The following MCHR2 variants were observed in gnomAD, a reference collection of about 807,000 sequenced individuals.
MCHR2 encodes the protein melanin-concentrating hormone receptor 2.
MCHR2 carries 15 observed loss-of-function variants against 24.8 expected under a neutral mutation model. That is an observed-to-expected ratio of 0.60 (90% CI 0.40 to 0.93). MCHR2 has a LOEUF of 0.93. Ranked by LOEUF, MCHR2 falls within the 40% of genes least tolerant of loss-of-function variation. The pLI, the probability that MCHR2 is intolerant of heterozygous loss-of-function variation, is 0.00. For synonymous variants in MCHR2, 151 were observed against 147.6 expected, an observed-to-expected ratio of 1.02 and a Z score of -0.17; for missense variants, 386 against 408.7, an observed-to-expected ratio of 0.94 and a Z score of 0.48.
At chr6:99,935,157 A>T (rs954880517) in intron 4 of MCHR2, among the ~76,000 whole-genome samples, 1 of 152,046 alleles carries the variant, frequency 6.6e-6, no homozygotes, top group Non-Finnish European at 1.5e-5. Context: ...TAAAAATCAA[A>T]TCAGTGTACT....
chr6:99,962,459 C>T (rs984904098), intron 1 of MCHR2, among the ~76,000 whole-genome samples: 18 of 152,152 alleles, frequency 1.2e-4, no homozygotes, highest in Non-Finnish European at 2.6e-4. Context: ...GTATGGTCAA[C>T]TGATCTTCAA....
intron 1 of MCHR2, among the ~76,000 whole-genome samples, chr6:99,965,892 G>A (rs954361054): frequency 6.6e-5 from 10 of 152,034 alleles, no homozygotes; most frequent in South Asian, 2.1e-4. Context: ...AAGATAGCTC[G>A]CCACATGTGT....
chr6:99,935,623 GATTA>G (rs1200135352), intron 4 of MCHR2, among the ~76,000 whole-genome samples: 1 of 151,868 alleles, frequency 6.6e-6, no homozygotes, highest in African/African-American at 2.4e-5. Flanking sequence ...TAGGCATTTA[GATTA>G]ATTACATATT....
At chr6:99,926,796 C>T (rs994237377) in intron 5 of MCHR2, among the ~76,000 whole-genome samples, 1 of 152,112 alleles carries the variant, frequency 6.6e-6, no homozygotes, top group Non-Finnish European at 1.5e-5. Flanking sequence ...TGCCTGTTCA[C>T]TCTGATGGTA....
intron 5 of MCHR2, 140 bp from the exon 6 acceptor site, chr6:99,921,395 G>T: frequency 1.4e-6 from 1 of 739,138 alleles, no homozygotes; most frequent in Non-Finnish European, 2.1e-6. Context: ...TACTTACTTG[G>T]TGCATTGTGA....
intron 1 of MCHR2, among the ~76,000 whole-genome samples, chr6:99,960,670 A>C (rs1167593790): frequency 6.6e-6 from 1 of 152,192 alleles, no homozygotes; most frequent in Non-Finnish European, 1.5e-5. Context: ...CTCAGAAATA[A>C]TGCCACACAT....
chr6:99,945,636 T>C, intron 3 of MCHR2, among the ~76,000 whole-genome samples: 1 of 152,194 alleles, frequency 6.6e-6, no homozygotes. Context: ...AAAGCAAGCC[T>C]CATTTCTCTT....
In MCHR2 at chr6:99,920,865, G is replaced by A; in HGVS notation, c.*75C>T. On this transcript the variant is annotated 3_prime_UTR_variant, in exon 6 of 6. Transcript: ENST00000281806. ...CAAGAAGAATGGGCATAAACATATC[G>A]GTACACCTGCCCTTTCTGATAATAC... is the stretch of plus-strand genomic sequence containing the variant. The A allele has an allele frequency of 1.7e-5, 24 of 1,422,434 alleles. No homozygotes were observed. The highest frequency in any genetic ancestry group is 2.1e-5 in the Non-Finnish European group (22 of 1,027,596). The allele number at this position is 1,422,434 out of a possible 1,614,324, so 88.1% of individuals were successfully genotyped here. A position where few individuals can be genotyped will look rare whatever the true frequency, so the allele number is the denominator to read the frequency against.
intron 5 of MCHR2, among the ~76,000 whole-genome samples, chr6:99,930,174 T>G (rs1337056914): frequency 6.6e-6 from 1 of 152,212 alleles, no homozygotes; most frequent in Admixed American, 6.5e-5. Flanking sequence ...GCCCTCACTT[T>G]CTCCTGGCTT....
At chr6:99,935,931 C>A (rs1381857210) in intron 4 of MCHR2, among the ~76,000 whole-genome samples, 1 of 151,966 alleles carries the variant, frequency 6.6e-6, no homozygotes, top group African/African-American at 2.4e-5. Flanking sequence ...TTTTGATTTG[C>A]ATTTCTCTGA....
At chr6:99,932,117 G>A (rs141601182) in intron 5 of MCHR2, among the ~76,000 whole-genome samples, 2,086 of 152,182 alleles carry the variant, frequency 0.014, 50 homozygotes, top group African/African-American at 0.048. Context: ...TGTTTGAAGG[G>A]TATTTTTGCT....
intron 1 of MCHR2, among the ~76,000 whole-genome samples, chr6:99,966,708 A>G (rs1374097130): frequency 1.3e-5 from 2 of 152,216 alleles, no homozygotes; most frequent in African/African-American, 4.8e-5. Context: ...GTTAAATATT[A>G]GCTGTTGAAA....
chr6:99,933,575 C>A (rs1321239737), intron 5 of MCHR2, among the ~76,000 whole-genome samples: 1 of 152,026 alleles, frequency 6.6e-6, no homozygotes, highest in Non-Finnish European at 1.5e-5. Context: ...AGACTACTTA[C>A]AAACCTTTGG....
intron 1 of MCHR2, among the ~76,000 whole-genome samples, chr6:99,957,210 A>G (rs1775081525): frequency 6.6e-6 from 1 of 152,126 alleles, no homozygotes; most frequent in Non-Finnish European, 1.5e-5. Context: ...GAGGCTGGGG[A>G]ATCTTACAGG....
At chr6:99,983,619 C>T (rs1775715920) in intron 1 of MCHR2, among the ~76,000 whole-genome samples, 1 of 152,146 alleles carries the variant, frequency 6.6e-6, no homozygotes, top group African/African-American at 2.4e-5. Flanking sequence ...CCAAGTAATA[C>T]TTCTTTGTCC....
chr6:99,958,232 A>G (rs897891032), intron 1 of MCHR2, among the ~76,000 whole-genome samples: 1 of 152,134 alleles, frequency 6.6e-6, no homozygotes, highest in Admixed American at 6.6e-5. Context: ...TAGAGAAGTG[A>G]GGAAAGAATG....
At chr6:99,952,218 A>C (rs1774978325) in intron 2 of MCHR2, among the ~76,000 whole-genome samples, 1 of 152,048 alleles carries the variant, frequency 6.6e-6, no homozygotes, top group Non-Finnish European at 1.5e-5. Flanking sequence ...GCTTCCTTTC[A>C]CCTGCTGTAA....
chr6:99,922,284 T>A (rs1774254633), intron 5 of MCHR2, among the ~76,000 whole-genome samples: 1 of 152,044 alleles, frequency 6.6e-6, no homozygotes, highest in South Asian at 2.1e-4. Flanking sequence ...TTTTTTGTAT[T>A]TTTAGTAAGA....
At chr6:99,977,950 A>G (rs975970218) in intron 1 of MCHR2, among the ~76,000 whole-genome samples, 1 of 152,234 alleles carries the variant, frequency 6.6e-6, no homozygotes, top group African/African-American at 2.4e-5. Flanking sequence ...AGTACAAACA[A>G]TGTAAATACT....
Sources: allele counts gnomAD v4.1 joint callset (sites outside exome capture counted in the v4.1 genomes callset), GRCh38; gene constraint gnomAD v4.1.1; transcripts MANE v1.5; gene names NCBI Gene and HGNC (gene_info 2026-07-23, HGNC 2026-07-21).